MYZAP: variants seen among roughly 807,000 people sequenced by gnomAD.
The protein encoded by MYZAP is GRINL1A complex locus upstream.
MYZAP carries 66 observed loss-of-function variants against 69.4 expected under a neutral mutation model. The ratio of observed to expected loss-of-function variants is 0.95; its 90% CI spans 0.78 to 1.17. The LOEUF is 1.17. MYZAP is among the 50% of genes most tolerant of loss of function. The pLI, the probability that MYZAP is intolerant of heterozygous loss-of-function variation, is 0.00. For missense variants in MYZAP, 611 were observed against 556.2 expected (o/e 1.10, Z -0.99); for synonymous variants, 256 against 205.9 (o/e 1.24, Z -2.09).
At chr15:57,594,142 G>A (rs2033902487) in intron 1 of MYZAP, among the ~76,000 whole-genome samples, 1 of 152,186 alleles carries the variant, frequency 6.6e-6, no homozygotes, top group African/African-American at 2.4e-5. Context: ...TTGAGATGGA[G>A]TCTCACTTTG....
intron 12 of MYZAP, among the ~76,000 whole-genome samples, chr15:57,681,827 T>C (rs866929691): frequency 1.3e-5 from 2 of 151,544 alleles, no homozygotes; most frequent in Non-Finnish European, 2.9e-5. Context: ...TGTATAATAG[T>C]GATGTTCAAG....
intron 10 of MYZAP, among the ~76,000 whole-genome samples, chr15:57,643,741 GTTT>G (rs76647740): frequency 7.3e-6 from 1 of 136,330 alleles, no homozygotes. Context: ...TTTTTTTTTT[GTTT>G]TTTTTTTTTT....
At chr15:57,595,255 G>A (rs963933264) in intron 1 of MYZAP, among the ~76,000 whole-genome samples, 3 of 152,140 alleles carry the variant, frequency 2.0e-5, no homozygotes, top group Non-Finnish European at 4.4e-5. Flanking sequence ...GCTCTGAAAG[G>A]CATTTATGGA....
Position 57,655,425 on chromosome 15 carries a change from C to T in MYZAP, c.1120-6025C>T, listed in dbSNP as rs4774276. ...CCCGTGCCATGCTAGTGAGTTCGAA[C>T]ATTAAAAGCGTAGGGGGTTTTTAAT... On this transcript the variant is annotated intron_variant, in intron 10 of 12. Transcript: ENST00000267853. 2.3e-3 allele frequency among the ~76,000 whole-genome samples: 343 copies of T among 152,224 alleles called. 1 individual carries two copies. The highest frequency in any genetic ancestry group is 6.8e-3 in the Middle Eastern group (2 of 294).
intron 10 of MYZAP, among the ~76,000 whole-genome samples, chr15:57,640,486 T>G (rs2037082881): frequency 6.6e-6 from 1 of 152,252 alleles, no homozygotes; most frequent in Non-Finnish European, 1.5e-5. Context: ...ACATTTTCCT[T>G]ATATTAAGTA....
intron 12 of MYZAP, among the ~76,000 whole-genome samples, chr15:57,681,024 G>C (rs2039407592): frequency 6.6e-6 from 1 of 152,184 alleles, no homozygotes; most frequent in South Asian, 2.1e-4. Flanking sequence ...GTTTCCTAGT[G>C]ATCAACAAAA....
intron 1 of MYZAP, among the ~76,000 whole-genome samples, chr15:57,602,383 G>A (rs1467450025): frequency 6.6e-6 from 1 of 152,072 alleles, no homozygotes; most frequent in Non-Finnish European, 1.5e-5. Context: ...GCTGTTGATG[G>A]GTCGTCTTAA....
chr15:57,667,048 C>T (rs1202479570), intron 11 of MYZAP, among the ~76,000 whole-genome samples: 1 of 152,196 alleles, frequency 6.6e-6, no homozygotes, highest in African/African-American at 2.4e-5. Flanking sequence ...GGATATACTA[C>T]ACTTACAGCT....
intron 4 of MYZAP, among the ~76,000 whole-genome samples, chr15:57,622,912 C>T (rs1458171006): frequency 1.4e-4 from 22 of 152,080 alleles, no homozygotes; most frequent in East Asian, 3.9e-4. Flanking sequence ...GTCAAATGAC[C>T]GGGAAAAATT....
At chr15:57,676,849 G>A (rs1290767474) in intron 12 of MYZAP, among the ~76,000 whole-genome samples, 1 of 152,106 alleles carries the variant, frequency 6.6e-6, no homozygotes, top group Non-Finnish European at 1.5e-5. Flanking sequence ...CTTAACTTAT[G>A]GCCATGGTGA....
At chr15:57,625,971 T>A in intron 5 of MYZAP, 79 bp downstream of exon 5, 2 of 1,217,554 alleles carry the variant, frequency 1.6e-6, no homozygotes, top group Non-Finnish European at 2.4e-6. Flanking sequence ...GAAAAATAAG[T>A]CACAGAACAT....
chr15:57,593,188 GCACACACA>G (rs199705290), intron 1 of MYZAP, among the ~76,000 whole-genome samples: 1 of 114,152 alleles, frequency 8.8e-6, no homozygotes, highest in Non-Finnish European at 1.8e-5. Context: ...GTACACAGGC[GCACACACA>G]CACACACACA....
At chr15:57,632,699 T>G in intron 7 of MYZAP, 140 bp downstream of exon 7, 1 of 1,382,732 alleles carries the variant, frequency 7.2e-7, no homozygotes, top group Non-Finnish European at 9.7e-7. Flanking sequence ...GAATTATTCA[T>G]CTGCTCATTC....
Position 57,592,074 on chromosome 15 carries a change from G to T in MYZAP, c.40G>T (p.Gly14Cys). The change falls in exon 1 of 13, where the codon GGC becomes TGC. Residue 14 changes from glycine to cysteine, a missense_variant. Gly to Cys is a radical substitution (Grantham distance 159). Coordinates refer to ENST00000267853, the MANE Select transcript of MYZAP (RefSeq NM_001018100.5). The stretch of plus-strand genomic sequence containing the variant: ...GTCCACGGTCACCCTGCTCTCGGGC[G>T]GCGCCGCCAGGACGCCCGGGGCGCC... ...STSTVTLLSG[G>C]AARTPGAPSR... is the part of the protein sequence containing the mutation. The T allele has an allele frequency of 5.1e-6, 7 of 1,384,918 alleles. No individual in the cohort carries two copies. The highest frequency in any genetic ancestry group is 1.5e-5 in the African/African-American group (1 of 66,160). 85.8% of individuals were successfully genotyped at this position (1,384,918 alleles called of 1,614,324 possible).
intron 8 of MYZAP, 127 bp downstream of exon 8, chr15:57,633,868 CAA>C (rs1247567214): frequency 9.1e-7 from 1 of 1,094,466 alleles, no homozygotes; most frequent in African/African-American, 1.6e-5. Flanking sequence ...AAAAAAAAGA[CAA>C]AGCTATAAAA....
chr15:57,599,038 A>G (rs1207867948), intron 1 of MYZAP, among the ~76,000 whole-genome samples: 1 of 152,224 alleles, frequency 6.6e-6, no homozygotes, highest in African/African-American at 2.4e-5. Flanking sequence ...CAGAGTGCTT[A>G]ATGCGTGCCA....
chr15:57,662,930 T>C (rs12148258), intron 11 of MYZAP, among the ~76,000 whole-genome samples: 53,676 of 152,174 alleles, frequency 0.35, 10,167 homozygotes, highest in South Asian at 0.47. Context: ...CAAGAGTCTC[T>C]GTCTTTTGAA....
chr15:57,608,774 C>T (rs1326752418), intron 2 of MYZAP, among the ~76,000 whole-genome samples: 4 of 152,196 alleles, frequency 2.6e-5, no homozygotes, highest in Non-Finnish European at 5.9e-5. Flanking sequence ...CCCCTTAGAC[C>T]TTCTGGAGTT....
intron 12 of MYZAP, among the ~76,000 whole-genome samples, chr15:57,678,947 C>T (rs529486991): frequency 2.0e-5 from 3 of 152,062 alleles, no homozygotes; most frequent in South Asian, 4.2e-4. Context: ...GAGGCCGAGG[C>T]GGGCGGATCA....
Sources: allele counts gnomAD v4.1 joint callset (sites outside exome capture counted in the v4.1 genomes callset), GRCh38; gene constraint gnomAD v4.1.1; transcripts MANE v1.5; gene names NCBI Gene and HGNC (gene_info 2026-07-23, HGNC 2026-07-21).